PPIP5K1: variants seen among roughly 807,000 people sequenced by gnomAD.
The protein encoded by PPIP5K1 is diphosphoinositol pentakisphosphate kinase 1.
In PPIP5K1, 6 loss-of-function variants were observed where a neutral mutation model predicts 27.7. The ratio of observed to expected loss-of-function variants is 0.22; its 90% confidence interval spans 0.12 to 0.43. The LOEUF is 0.43. Ranked by LOEUF, PPIP5K1 falls within the 20% of genes least tolerant of loss-of-function variation. The pLI, the probability that PPIP5K1 is intolerant of heterozygous loss-of-function variation, is 1.00. For missense variants in PPIP5K1, 394 were observed against 635.4 expected (o/e 0.62, Z 4.08); for synonymous variants, 145 against 242.6 (o/e 0.60, Z 3.74).
At chr15:43,586,712 A>G (rs1277047436) in intron 1 of PPIP5K1, among the ~76,000 whole-genome samples, 1 of 95,342 alleles carries the variant, frequency 1.0e-5, no homozygotes. Context: ...TGATGATAAT[A>G]ATAATAATAA....
intron 30 of PPIP5K1, among the ~76,000 whole-genome samples, chr15:43,545,917 A>G (rs1490909014): frequency 6.6e-6 from 1 of 151,998 alleles, no homozygotes; most frequent in African/African-American, 2.4e-5. Context: ...AAGAAACCCC[A>G]TATCCATTAA....
At chr15:43,544,707 G>A (rs1404355868) in intron 30 of PPIP5K1, among the ~76,000 whole-genome samples, 1 of 151,530 alleles carries the variant, frequency 6.6e-6, no homozygotes, top group African/African-American at 2.4e-5. Context: ...GAGGCAGGAG[G>A]ATCACTTGAA....
At chr15:43,539,375 C>A in intron 31 of PPIP5K1, 95 bp downstream of exon 31, 1 of 903,546 alleles carries the variant, frequency 1.1e-6, no homozygotes, top group Non-Finnish European at 1.8e-6. Context: ...TCTTTCAAGC[C>A]CCACCTTCTT....
rs1156583027 is a variant in PPIP5K1 at position 43,537,706 on chromosome 15, AAGAGAGAGAGAG to A, written c.3670+1752_3670+1763del. On this transcript the variant is annotated intron_variant, in intron 31 of 31. Transcript: ENST00000420765. ...TCCATCTCAAAAAAAAAAAAAAAAA[AAGAGAGAGAGAG>A]AGAGAGAGAGAGAAGATCATGGTTT... Among the ~76,000 whole-genome samples the A allele has an allele frequency of 3.7e-3, 469 of 126,706 alleles. 2 individuals are homozygous for A. Among genetic ancestry groups the A allele is most frequent in the Middle Eastern group, 8.5e-3 (2 of 234 alleles). The allele number at this position is 126,706 out of a possible 152,430, so 83.1% of individuals were successfully genotyped here.
chr15:43,540,694 C>A (rs1595714105), intron 30 of PPIP5K1, among the ~76,000 whole-genome samples: 2 of 146,042 alleles, frequency 1.4e-5, no homozygotes, highest in African/African-American at 5.1e-5. Context: ...AAGACTCTGT[C>A]TCAAAAAAAA....
At chr15:43,553,035 C>CA in intron 30 of PPIP5K1, among the ~76,000 whole-genome samples, 1 of 151,822 alleles carries the variant, frequency 6.6e-6, no homozygotes, top group Non-Finnish European at 1.5e-5. Context: ...GAATCTGTTT[C>CA]AAAAAAATAA....
chr15:43,549,832 G>A (rs1567041813), intron 30 of PPIP5K1, among the ~76,000 whole-genome samples: 1 of 152,144 alleles, frequency 6.6e-6, no homozygotes, highest in Non-Finnish European at 1.5e-5. Flanking sequence ...TTAGCTGGAT[G>A]TGGTGGTATA....
chr15:43,558,698 A>T, intron 30 of PPIP5K1, 97 bp downstream of exon 30: 1 of 1,499,096 alleles, frequency 6.7e-7, no homozygotes, highest in South Asian at 1.2e-5. Context: ...GTCTTTGTGG[A>T]TTGCCTAACT....
intron 30 of PPIP5K1, among the ~76,000 whole-genome samples, chr15:43,555,805 C>T (rs2082864836): frequency 6.6e-6 from 1 of 151,586 alleles, no homozygotes; most frequent in Non-Finnish European, 1.5e-5. Flanking sequence ...GAGGTTTCAC[C>T]GTATCACCCA....
intron 10 of PPIP5K1, among the ~76,000 whole-genome samples, chr15:43,579,653 A>ATAT (rs1567095270): frequency 1.7e-4 from 5 of 28,786 alleles, no homozygotes; most frequent in African/African-American, 3.8e-4. Context: ...ATATATATAT[A>ATAT]TTTTTTTTTT....
chr15:43,541,382 G>A (rs1353203865), intron 30 of PPIP5K1, among the ~76,000 whole-genome samples: 1 of 152,048 alleles, frequency 6.6e-6, no homozygotes, highest in Non-Finnish European at 1.5e-5. Context: ...CAAAGTGTTA[G>A]GATTACAGGC....
At chr15:43,556,272 AT>A (rs2082932588) in intron 30 of PPIP5K1, among the ~76,000 whole-genome samples, 1 of 152,112 alleles carries the variant, frequency 6.6e-6, no homozygotes, top group African/African-American at 2.4e-5. Flanking sequence ...GTTAGCCAAA[AT>A]CGTGCCACTG....
intron 30 of PPIP5K1, among the ~76,000 whole-genome samples, chr15:43,556,696 T>C (rs906887040): frequency 6.6e-6 from 1 of 152,212 alleles, no homozygotes; most frequent in African/African-American, 2.4e-5. Flanking sequence ...ATCCTTCAAG[T>C]AGCCCACCAA....
chr15:43,536,487 G>T (rs1311941402), intron 31 of PPIP5K1, among the ~76,000 whole-genome samples: 1 of 151,830 alleles, frequency 6.6e-6, no homozygotes. Context: ...CTACATGGCA[G>T]TTCTTAACCT....
Position 43,542,647 on chromosome 15 carries a change from AGTGTGTGTGTGTGTGTGTGTGTGT to A in PPIP5K1, c.3557-3088_3557-3065del, listed in dbSNP as rs56361192. ...TTGTGGATTTTTATTATATATATTC[AGTGTGTGTGTGTGTGTGTGTGTGT>A]GTGTGTGTGTGTGTGTGTGTGTGTG... On this transcript the variant is annotated intron_variant, in intron 30 of 31. Coordinates refer to ENST00000420765, the MANE Select transcript of PPIP5K1 (RefSeq NM_001394395.1). 8.1e-4 allele frequency among the ~76,000 whole-genome samples: 98 copies of A among 121,362 alleles called. 2 individuals carry two copies. The South Asian group carries it at 0.027, about 34-fold the overall frequency. The allele number at this position is 121,362 out of a possible 152,430, so 79.6% of individuals were successfully genotyped here. A position where few individuals can be genotyped will look rare whatever the true frequency, so the allele number is the denominator to read the frequency against.
At chr15:43,552,585 T>C (rs1189396264) in intron 30 of PPIP5K1, among the ~76,000 whole-genome samples, 1 of 144,890 alleles carries the variant, frequency 6.9e-6, no homozygotes, top group African/African-American at 2.6e-5. Flanking sequence ...CTGGGTGTGG[T>C]GGTGTGTGCC....
chr15:43,561,032 A>AT (rs762009993), intron 28 of PPIP5K1, among the ~76,000 whole-genome samples: 41,173 of 128,768 alleles, frequency 0.32, 2,539 homozygotes, highest in African/African-American at 0.52. Flanking sequence ...AGGGATAAAA[A>AT]TGAAAAAGTG....
chr15:43,536,302 C>T (rs2140293462), intron 31 of PPIP5K1: 2 of 308,122 alleles, frequency 6.5e-6, no homozygotes, highest in African/African-American at 4.6e-5. Flanking sequence ...GTCTGTAATC[C>T]CAGCTACTCA....
chr15:43,541,445 G>A lies in PPIP5K1; in HGVS notation c.3557-1862C>T, dbSNP rs192945629. Among the ~76,000 whole-genome samples, 8 of 152,156 alleles carry A rather than the reference G, an allele frequency of 5.3e-5. No individual in the cohort carries two copies. The East Asian group carries it at 1.2e-3, about 22-fold the overall frequency. ...ACTTTTTGAAAAGAAGGTCAGGCACGGTGGCTCATGCCTGTAATCCCAGCA... is the reference window on the plus strand; with the variant it reads ...ACTTTTTGAAAAGAAGGTCAGGCACAGTGGCTCATGCCTGTAATCCCAGCA... On this transcript the variant is annotated intron_variant, in intron 30 of 31. Coordinates refer to ENST00000420765, the MANE Select transcript of PPIP5K1 (RefSeq NM_001394395.1).
Sources: gnomAD v4.1 joint callset for allele counts (sites outside exome capture counted in the v4.1 genomes callset) on GRCh38, gnomAD v4.1.1 for gene constraint, MANE v1.5 for transcripts, NCBI Gene and HGNC (gene_info 2026-07-23, HGNC 2026-07-21) for gene names.